ZSCAN25: variants seen among roughly 807,000 people sequenced by gnomAD.
ZSCAN25 encodes zinc finger and SCAN domain-containing protein 25.
A neutral mutation model predicts 38.7 loss-of-function variants in ZSCAN25; 27 were observed. That is an observed-to-expected ratio of 0.70 (90% confidence interval 0.51 to 0.96). ZSCAN25 has a LOEUF of 0.96. Among genes scored for constraint, ZSCAN25 ranks in the 40% least tolerant of loss-of-function variants. The pLI is 0.00. For synonymous variants in ZSCAN25, 273 were observed against 277.7 expected, an observed-to-expected ratio of 0.98 and a Z score of 0.17; for missense variants, 637 against 705.9, an observed-to-expected ratio of 0.90 and a Z score of 1.11.
the ZSCAN25 span, chr7:99,674,531 A>T: frequency 1.9e-6 from 3 of 1,613,114 alleles, no homozygotes; most frequent in Non-Finnish European, 2.5e-6. Flanking sequence ...CAGAATACTC[A>T]CCCCCACATT....
At position 99,629,869 on chromosome 7, in the gene ZSCAN25, T is replaced by A. The variant is rs1807847187; in HGVS notation, c.1484T>A (p.Phe495Tyr). The change falls in exon 8 of 8, where the codon TTC becomes TAC. Residue 495 changes from phenylalanine to tyrosine, a missense_variant. Phe to Tyr is a conservative substitution (Grantham distance 22). Transcript: ENST00000394152. This position sits in a 1 kb window ranked among gnomAD's most constrained non-coding sequence, Gnocchi z 5.6. ...GGGTGCCAGGTGTGCGGGAAGCGGT[T>A]CAGCAAAGGGGAGCGGCTGGTCCGA... ...PYGCQVCGKR[F>Y]SKGERLVRHQ... 1 of 1,614,220 alleles carries A rather than the reference T, an allele frequency of 6.2e-7. No individual in the cohort carries two copies. Among genetic ancestry groups the A allele is most frequent in the Non-Finnish European group, 8.5e-7 (1 of 1,180,036 alleles).
chr7:99,684,965 ACT>A, the ZSCAN25 span: 36 of 526,656 alleles, frequency 6.8e-5, no homozygotes, highest in African/African-American at 5.6e-4. Context: ...CAAGTATAAC[ACT>A]CTACACAGAC....
the ZSCAN25 span, among the ~76,000 whole-genome samples, chr7:99,654,065 G>C: frequency 2.0e-5 from 3 of 152,080 alleles, no homozygotes; most frequent in Non-Finnish European, 4.4e-5. Flanking sequence ...CTTCTCATTA[G>C]ATGCCACTGA....
chr7:99,672,914 T>C, the ZSCAN25 span: 60 of 1,338,058 alleles, frequency 4.5e-5, no homozygotes, highest in Admixed American at 9.9e-5. Flanking sequence ...AGGGAAGAGA[T>C]ATTGAAAGAC....
the ZSCAN25 span, among the ~76,000 whole-genome samples, chr7:99,718,329 T>C: frequency 2.0e-5 from 3 of 152,220 alleles, no homozygotes; most frequent in African/African-American, 7.2e-5. Flanking sequence ...AATGCGATTC[T>C]ATTAACATTC....
At chr7:99,695,337 A>G in the ZSCAN25 span, among the ~76,000 whole-genome samples, 2 of 152,224 alleles carry the variant, frequency 1.3e-5, no homozygotes, top group Non-Finnish European at 1.5e-5. Context: ...AGCTCTTGCT[A>G]TAGAGAGGAA....
chr7:99,672,440 C>T, the ZSCAN25 span: 14 of 685,796 alleles, frequency 2.0e-5, 1 homozygote, highest in South Asian at 2.5e-4. Flanking sequence ...GATGTTACCA[C>T]TGGGCGGGAC....
At chr7:99,662,791 G>A in the ZSCAN25 span, 99 of 1,599,878 alleles carry the variant, frequency 6.2e-5, no homozygotes, top group Non-Finnish European at 8.3e-5. The surrounding 1 kb of genome is among the most constrained non-coding windows in gnomAD (Gnocchi z 4.3). Context: ...CCCGCCAGTA[G>A]CCCTCAGAAG....
the ZSCAN25 span, chr7:99,648,075 C>A: frequency 8.8e-7 from 1 of 1,131,204 alleles, no homozygotes. Flanking sequence ...AGCAGAGAAG[C>A]TGAGTCTACC....
chr7:99,684,794 A>C, the ZSCAN25 span, among the ~76,000 whole-genome samples: 1 of 152,252 alleles, frequency 6.6e-6, no homozygotes, highest in South Asian at 2.1e-4. Flanking sequence ...TCTTATTTTC[A>C]TTAATAATTT....
the ZSCAN25 span, among the ~76,000 whole-genome samples, chr7:99,700,362 C>T: frequency 2.0e-5 from 3 of 152,146 alleles, no homozygotes; most frequent in Non-Finnish European, 4.4e-5. Context: ...TAAATATCCT[C>T]TCACCTGCCC....
At chr7:99,714,576 A>G in the ZSCAN25 span, 12 of 1,612,998 alleles carry the variant, frequency 7.4e-6, no homozygotes, top group Admixed American at 1.8e-4. Context: ...CTTTGAGGCG[A>G]CCTTCTTTTA....
the ZSCAN25 span, chr7:99,713,575 T>C: frequency 1.9e-6 from 3 of 1,612,294 alleles, no homozygotes; most frequent in Non-Finnish European, 2.5e-6. Context: ...AGAAAGTGAC[T>C]CGTGAAGTCA....
chr7:99,715,270 C>G, the ZSCAN25 span: 1 of 178,066 alleles, frequency 5.6e-6, no homozygotes, highest in Non-Finnish European at 1.2e-5. Context: ...AACAAGTGCC[C>G]AGAGGGAAAT....
At chr7:99,674,484 C>T in the ZSCAN25 span, 2 of 1,496,226 alleles carry the variant, frequency 1.3e-6, no homozygotes, top group East Asian at 2.3e-5. Context: ...AGTGGGGTAA[C>T]CTCCTCACAG....
chr7:99,617,171 A>C (rs1452011152), intron 1 of ZSCAN25, among the ~76,000 whole-genome samples, 155 bp downstream of exon 1: 1 of 152,164 alleles, frequency 6.6e-6, no homozygotes, highest in African/African-American at 2.4e-5. Context: ...CAAGTCTCTC[A>C]GGAGCTGCCT....
Position 99,629,308 on chromosome 7 carries a change from G to C in ZSCAN25, c.923G>C (p.Arg308Thr), listed in dbSNP as rs1807777351. 6.2e-7 allele frequency: 1 copy of C among 1,614,054 alleles called. No homozygotes were observed. The highest frequency in any genetic ancestry group is 1.3e-5 in the African/African-American group (1 of 74,942). Residue 308 changes from arginine to threonine, a missense_variant, in exon 8 of 8, where the codon AGG becomes ACG. Coordinates refer to ENST00000394152, the MANE Select transcript of ZSCAN25 (RefSeq NM_145115.3). This position sits in a 1 kb window ranked among gnomAD's most constrained non-coding sequence, Gnocchi z 5.6. ...EASLQGPGLG[R>T]VCEQEPGGPA... ...TCTCTCCAGGGCCCTGGGCTCGGAAGGGTCTGTGAGCAGGAGCCTGGTGGC... is the reference window on the plus strand; with the variant it reads ...TCTCTCCAGGGCCCTGGGCTCGGAACGGTCTGTGAGCAGGAGCCTGGTGGC...
chr7:99,631,066 G>C lies in ZSCAN25; in HGVS notation c.*1046G>C. The C allele has an allele frequency of 2.0e-6, 2 of 983,706 alleles. No individual in the cohort carries two copies. Among genetic ancestry groups the C allele is most frequent in the Non-Finnish European group, 2.4e-6 (2 of 828,356 alleles). 60.9% of individuals were successfully genotyped at this position (983,706 alleles called of 1,614,324 possible). A position where few individuals can be genotyped will look rare whatever the true frequency, so the allele number is the denominator to read the frequency against. On this transcript the variant is annotated 3_prime_UTR_variant, in exon 8 of 8. Coordinates refer to ENST00000394152, the MANE Select transcript of ZSCAN25 (RefSeq NM_145115.3). ...TTGAGACACATCCATGAATAAAATA[G>C]GGGGAGAAGCTGTTGACCTCGTAGA...
At chr7:99,671,856 A>T in the ZSCAN25 span, 26 of 702,838 alleles carry the variant, frequency 3.7e-5, no homozygotes, top group Non-Finnish European at 6.0e-5. Context: ...CTGCATCTTG[A>T]TGGTGCTGGT....
Sources: gnomAD v4.1 joint callset for allele counts (sites outside exome capture counted in the v4.1 genomes callset) on GRCh38, gnomAD v4.1.1 for gene constraint, Gnocchi (gnomAD v3.1) non-coding constraint, MANE v1.5 for transcripts, NCBI Gene and HGNC (gene_info 2026-07-23, HGNC 2026-07-21) for gene names.